The following CCDC148 variants were observed in gnomAD, a reference collection of about 807,000 sequenced individuals.
CCDC148 encodes the protein coiled-coil domain containing 148.
A neutral mutation model predicts 85.7 loss-of-function variants in CCDC148; 89 were observed. That is an observed-to-expected ratio of 1.04 (90% confidence interval 0.87 to 1.24). The LOEUF (loss-of-function observed/expected upper bound fraction) is 1.24, where lower values mean the gene tolerates loss of function less well. Ranked by LOEUF, CCDC148 falls within the 50% of genes most tolerant of loss-of-function variation. CCDC148 has a pLI of 0.00. For missense variants in CCDC148, 692 were observed against 671.7 expected (o/e 1.03, Z -0.33); for synonymous variants, 230 against 213.9 (o/e 1.08, Z -0.66).
intron 11 of CCDC148, among the ~76,000 whole-genome samples, chr2:158,203,148 G>T (rs1437261464): frequency 6.6e-6 from 1 of 152,114 alleles, no homozygotes; most frequent in East Asian, 1.9e-4. Flanking sequence ...ACTTAGAGTT[G>T]GAGAGCATTG....
At position 158,257,065 on chromosome 2, in the gene CCDC148, C is replaced by T. The variant is rs181537790; in HGVS notation, c.1111-6153G>A. ...ATTGACAGTATTTTCTCTTCTGCCT[C>T]TTGCATTGATCTTTAAAAAAAAAAG... On this transcript the variant is annotated intron_variant, in intron 9 of 13. Coordinates refer to ENST00000283233, the MANE Select transcript of CCDC148 (RefSeq NM_138803.4). Among the ~76,000 whole-genome samples the T allele has an allele frequency of 9.9e-5, 15 of 151,632 alleles. No homozygotes were observed. In the South Asian group the frequency reaches 1.9e-3, roughly 19 times the overall value.
intron 9 of CCDC148, among the ~76,000 whole-genome samples, chr2:158,252,324 A>C (rs1195092127): frequency 6.6e-6 from 1 of 151,772 alleles, no homozygotes; most frequent in Non-Finnish European, 1.5e-5. Context: ...AGTTCAGTTT[A>C]GCCCACCTAC....
chr2:158,216,533 A>T (rs1334876204), intron 11 of CCDC148, among the ~76,000 whole-genome samples: 1 of 151,348 alleles, frequency 6.6e-6, no homozygotes, highest in Non-Finnish European at 1.5e-5. Flanking sequence ...AGTAGCTGGG[A>T]TTACAGGTGC....
chr2:158,351,971 C>T lies in CCDC148; in HGVS notation c.147+6478G>A, dbSNP rs560192032. Among the ~76,000 whole-genome samples, 645 of 144,760 alleles carry T rather than the reference C, an allele frequency of 4.5e-3. 5 individuals are homozygous for T. Among genetic ancestry groups the T allele is most frequent in the Non-Finnish European group, 8.1e-3 (539 of 66,738 alleles). 95.0% of individuals were successfully genotyped at this position (144,760 alleles called of 152,430 possible). ...GCACCCCCCAGCAGGGGCACACTGACACCTCACACGGCAGGGTATTCCAAC... is the reference window on the plus strand; with the variant it reads ...GCACCCCCCAGCAGGGGCACACTGATACCTCACACGGCAGGGTATTCCAAC... On this transcript the variant is annotated intron_variant, in intron 2 of 13. Transcript: ENST00000283233.
intron 9 of CCDC148, among the ~76,000 whole-genome samples, chr2:158,292,051 T>G (rs1414864452): frequency 6.6e-6 from 1 of 152,176 alleles, no homozygotes; most frequent in Non-Finnish European, 1.5e-5. Flanking sequence ...CTCTTTATTA[T>G]AAATGCCTCA....
intron 1 of CCDC148, among the ~76,000 whole-genome samples, chr2:158,432,736 C>T (rs1209820105): frequency 6.6e-6 from 1 of 151,946 alleles, no homozygotes; most frequent in Non-Finnish European, 1.5e-5. Context: ...CAAGTCTTTT[C>T]AAAATGTTGG....
intron 10 of CCDC148, among the ~76,000 whole-genome samples, chr2:158,233,209 C>A (rs777333351): frequency 2.0e-5 from 3 of 152,002 alleles, no homozygotes; most frequent in Non-Finnish European, 4.4e-5. Flanking sequence ...CAACTCCACA[C>A]AAAAAGTATG....
At chr2:158,192,352 C>T (rs769630302) in intron 11 of CCDC148, among the ~76,000 whole-genome samples, 1 of 151,880 alleles carries the variant, frequency 6.6e-6, no homozygotes, top group Non-Finnish European at 1.5e-5. Context: ...CAACAACTCA[C>T]GATTTGTAAA....
At chr2:158,455,353 G>A (rs540704134) in intron 1 of CCDC148, among the ~76,000 whole-genome samples, 1 of 151,604 alleles carries the variant, frequency 6.6e-6, no homozygotes, top group South Asian at 2.1e-4. Flanking sequence ...GTGTAGGACT[G>A]TCAACTGAGT....
chr2:158,259,888 C>T (rs1689150333), intron 9 of CCDC148, among the ~76,000 whole-genome samples: 1 of 151,896 alleles, frequency 6.6e-6, no homozygotes, highest in Admixed American at 6.6e-5. Context: ...GCTTCTTACC[C>T]TTCAAGGTCA....
chr2:158,420,490 C>A (rs1303579579), intron 1 of CCDC148, among the ~76,000 whole-genome samples: 1 of 152,114 alleles, frequency 6.6e-6, no homozygotes, highest in Middle Eastern at 3.2e-3. Flanking sequence ...CCAAACTAAA[C>A]TTCATAAATG....
In CCDC148 at chr2:158,340,330, A is replaced by G; in HGVS notation, c.398T>C (p.Leu133Pro). The G allele has an allele frequency of 6.2e-7, 1 of 1,613,986 alleles. No individual in the cohort carries two copies. Among genetic ancestry groups the G allele is most frequent in the African/African-American group, 1.3e-5 (1 of 75,056 alleles). Reference sequence around the variant, plus strand: ...CTGTCTGTATTTTAGATCTGCTCTCAGCTGCTGAATAGGATTTATTACATT... The same window carrying G: ...CTGTCTGTATTTTAGATCTGCTCTCGGCTGCTGAATAGGATTTATTACATT... ...LKNVINPIQQ[L>P]RADLKYRQHH... is the part of the protein sequence containing the mutation. Residue 133 changes from leucine (L) to proline (P), a missense_variant, in exon 5 of 14, where the codon CTG becomes CCG. Leu to Pro is a moderately conservative substitution (Grantham distance 98, BLOSUM62 -3). Transcript: ENST00000283233.
intron 9 of CCDC148, among the ~76,000 whole-genome samples, chr2:158,265,906 T>C (rs1222442271): frequency 1.3e-5 from 2 of 152,138 alleles, no homozygotes; most frequent in African/African-American, 2.4e-5. Context: ...GACTTCTTTT[T>C]CTCCATTACC....
chr2:158,313,441 GA>G (rs1325250166), intron 8 of CCDC148, among the ~76,000 whole-genome samples: 10 of 152,178 alleles, frequency 6.6e-5, no homozygotes, highest in African/African-American at 2.4e-4. Context: ...CCCTGAAGGT[GA>G]GCATCTGGCT....
rs777549041 is a variant in CCDC148 at position 158,176,626 on chromosome 2, C to T, written c.1524G>A (p.Met508Ile). 9 of 1,612,100 alleles carry T rather than the reference C, an allele frequency of 5.6e-6. No homozygotes were observed. In the South Asian group the frequency reaches 9.9e-5, roughly 18 times the overall value. The change falls in exon 13 of 14, where the codon ATG (methionine) becomes ATA (isoleucine). Residue 508 changes from methionine to isoleucine, a missense_variant. Transcript: ENST00000283233. ...CTTTTGATGCCATTGTATCTGACAT[C>T]ATTCTAACAGGATCAAATTGAGCAA... ...AVVAQFDPVR[M>I]MSDTMASKAR... is the part of the protein sequence containing the mutation.
Position 158,402,794 on chromosome 2 carries a change from T to A in CCDC148, c.26-44224A>T, listed in dbSNP as rs78234117. On this transcript the variant is annotated intron_variant, in intron 1 of 13. Coordinates refer to ENST00000283233, the MANE Select transcript of CCDC148 (RefSeq NM_138803.4). The stretch of plus-strand genomic sequence containing the variant: ...GATAGTATAACTTTGCCAAGGTATT[T>A]CCAGTTAATACTATGCTTTCAGGGC... 6.8e-3 allele frequency among the ~76,000 whole-genome samples: 1,030 copies of A among 152,210 alleles called. 15 individuals are homozygous for A. The highest frequency in any genetic ancestry group is 0.024 in the African/African-American group (982 of 41,566).
Position 158,239,094 on chromosome 2 carries a change from C to T in CCDC148, c.1251+11678G>A, listed in dbSNP as rs527254037. On this transcript the variant is annotated intron_variant, in intron 10 of 13. Transcript: ENST00000283233. ...AAGAAGATTAAATGAACATGGAATACTGCCTTGCACATAGCAAGTACTGTT... is the reference window on the plus strand; with the variant it reads ...AAGAAGATTAAATGAACATGGAATATTGCCTTGCACATAGCAAGTACTGTT... Among the ~76,000 whole-genome samples the T allele has an allele frequency of 3.6e-4, 55 of 152,246 alleles. 1 individual carries two copies. The highest frequency in any genetic ancestry group is 1.3e-3 in the African/African-American group (53 of 41,562).
chr2:158,202,005 TAG>T lies in CCDC148; in HGVS notation c.1370+18588_1370+18589del, dbSNP rs1047005116. On this transcript the variant is annotated intron_variant, in intron 11 of 13. Transcript: ENST00000283233. ...GCATAACAAAGTGTGTGTGTGAAGG[TAG>T]AGAGAGAGAGTAGAAATGATGAAGC... Among the ~76,000 whole-genome samples the T allele has an allele frequency of 3.3e-5, 5 of 151,878 alleles. No individual in the cohort carries two copies. In the East Asian group the frequency reaches 5.8e-4, roughly 18 times the overall value.
intron 1 of CCDC148, among the ~76,000 whole-genome samples, chr2:158,444,302 C>T (rs1042890784): frequency 6.6e-6 from 1 of 151,970 alleles, no homozygotes; most frequent in African/African-American, 2.4e-5. Flanking sequence ...GGGATTTAAG[C>T]TGAGAGTTAT....
Sources: allele counts gnomAD v4.1 joint callset (sites outside exome capture counted in the v4.1 genomes callset), GRCh38; gene constraint gnomAD v4.1.1; transcripts MANE v1.5; gene names NCBI Gene and HGNC (gene_info 2026-07-23, HGNC 2026-07-21).